The following PALLD variants were observed in gnomAD, a reference collection of about 807,000 sequenced individuals.
PALLD encodes the protein palladin, cytoskeletal associated protein, also known as palladin.
Under a neutral mutation model 123.5 loss-of-function variants are expected in PALLD, and 61 were observed. The ratio of observed to expected loss-of-function variants is 0.49; its 90% CI spans 0.40 to 0.61. The LOEUF (loss-of-function observed/expected upper bound fraction) is 0.61, where lower values mean the gene tolerates loss of function less well. Ranked by LOEUF, PALLD falls within the 20% of genes least tolerant of loss-of-function variation. The probability of loss-of-function intolerance (pLI) is 0.00; values close to 1 mark genes in which losing one functional copy is unlikely to be tolerated. For synonymous variants in PALLD, 465 were observed against 496.4 expected (o/e 0.94, Z 0.84); for missense variants, 1,273 against 1,377.0 (o/e 0.92, Z 1.20).
intron 2 of PALLD, among the ~76,000 whole-genome samples, chr4:168,611,860 G>C (rs1773757940): frequency 6.6e-6 from 1 of 152,168 alleles, no homozygotes; most frequent in Non-Finnish European, 1.5e-5. Flanking sequence ...AGATTCATCA[G>C]TGTAAAGATG....
chr4:168,745,784 C>T lies in PALLD; in HGVS notation c.1964+33861C>T, dbSNP rs150703517. 5.7e-3 allele frequency among the ~76,000 whole-genome samples: 858 copies of T among 151,716 alleles called. 7 individuals are homozygous for T. The highest frequency in any genetic ancestry group is 0.019 in the African/African-American group (798 of 41,094). On this transcript the variant is annotated intron_variant, in intron 10 of 21. Transcript: ENST00000505667. ...AGTGACCATTTTGGTGGAAAAACTA[C>T]CTGCGCTAGTTTGCATGTGATCTAA... is the stretch of plus-strand genomic sequence containing the variant.
intron 2 of PALLD, among the ~76,000 whole-genome samples, chr4:168,557,418 C>T (rs377116594): frequency 8.9e-4 from 135 of 152,264 alleles, no homozygotes; most frequent in African/African-American, 3.1e-3. Context: ...AATCTTAGAC[C>T]ATTTCCAAGC....
chr4:168,530,399 A>C (rs1679378713), intron 2 of PALLD, among the ~76,000 whole-genome samples: 1 of 152,214 alleles, frequency 6.6e-6, no homozygotes, highest in South Asian at 2.1e-4. Flanking sequence ...TGAAGGGTAC[A>C]AAGACTCTAT....
intron 10 of PALLD, among the ~76,000 whole-genome samples, chr4:168,810,527 G>C (rs1490694895): frequency 6.6e-6 from 1 of 152,114 alleles, no homozygotes; most frequent in African/African-American, 2.4e-5. Context: ...ATGGTGGCAG[G>C]CACCTGTAAT....
At chr4:168,638,744 A>T (rs1776594216) in intron 2 of PALLD, among the ~76,000 whole-genome samples, 1 of 147,868 alleles carries the variant, frequency 6.8e-6, no homozygotes, top group Non-Finnish European at 1.5e-5. Context: ...AGGGGCACTA[A>T]CCCTATTCAT....
chr4:168,704,822 G>A (rs963101587), intron 8 of PALLD, among the ~76,000 whole-genome samples: 1 of 151,940 alleles, frequency 6.6e-6, no homozygotes, highest in African/African-American at 2.4e-5. Context: ...TCAATAGGAG[G>A]GGTTGCAAAG....
chr4:168,896,226 T>C (rs1359849974), intron 12 of PALLD, among the ~76,000 whole-genome samples: 1 of 135,604 alleles, frequency 7.4e-6, no homozygotes, highest in African/African-American at 2.6e-5. Flanking sequence ...AAAAAAAAAG[T>C]GCATTTAATA....
chr4:168,733,768 C>T (rs1051629068), intron 10 of PALLD, among the ~76,000 whole-genome samples: 1 of 150,650 alleles, frequency 6.6e-6, no homozygotes, highest in Non-Finnish European at 1.5e-5. Context: ...GAGTCTCGCT[C>T]TTTTGCCCTG....
At position 168,697,443 on chromosome 4, in the gene PALLD, G is replaced by A. The variant is rs17707953; in HGVS notation, c.1501+6151G>A. Among the ~76,000 whole-genome samples, 608 of 152,346 alleles carry A rather than the reference G, an allele frequency of 4.0e-3. 3 individuals carry two copies. The highest frequency in any genetic ancestry group is 0.035 in the East Asian group (183 of 5,186). ...AAGGGCAAGTTCAGATTGAAGCCTC[G>A]TGTCTCGAGGGACAAATGCAATGAG... is the stretch of plus-strand genomic sequence containing the variant. On this transcript the variant is annotated intron_variant, in intron 8 of 21. Coordinates refer to ENST00000505667, the MANE Select transcript of PALLD (RefSeq NM_001166108.2).
intron 10 of PALLD, among the ~76,000 whole-genome samples, chr4:168,745,291 T>C (rs1730111093): frequency 6.6e-6 from 1 of 152,134 alleles, no homozygotes; most frequent in South Asian, 2.1e-4. Flanking sequence ...GACCCAAGCC[T>C]CCTAGCTCAG....
chr4:168,922,100 TATACACACAC>T (rs1242965818), intron 18 of PALLD, among the ~76,000 whole-genome samples: 191 of 96,644 alleles, frequency 2.0e-3, no homozygotes, highest in Admixed American at 1.7e-3. Context: ...TATATATATA[TATACACACAC>T]ACACACACAC....
rs115767401 is a variant in PALLD at position 168,623,843 on chromosome 4, C to A, written c.909-44347C>A. Among the ~76,000 whole-genome samples the A allele has an allele frequency of 3.0e-3, 460 of 152,170 alleles. 2 individuals are homozygous for A. The highest frequency in any genetic ancestry group is 0.01 in the African/African-American group (430 of 41,526). On this transcript the variant is annotated intron_variant, in intron 2 of 21. Transcript: ENST00000505667. ...CACATTCATCAAACAACACAGTAGC[C>A]ACTGTGTAAAGCAGGAATTACAGAA... is the stretch of plus-strand genomic sequence containing the variant.
chr4:168,898,604 G>T lies in PALLD; in HGVS notation c.2362G>T (p.Val788Leu), dbSNP rs587780762. ...GDEVQYGDVPVENGMAPFFEM... is the reference protein window; with the variant it reads ...GDEVQYGDVPLENGMAPFFEM... The stretch of plus-strand genomic sequence containing the variant: ...TGAAGTTCAGTATGGAGATGTGCCT[G>T]TGGAAAATGGAATGGCACCATTCTT... The change falls in exon 14 of 22, where the codon GTG (valine) becomes TTG (leucine). Residue 788 changes from valine (V) to leucine (L), a missense_variant. By Grantham distance (32) the Val-to-Leu change is conservative (BLOSUM62 1). Transcript: ENST00000505667. 1 of 1,613,676 alleles carries T rather than the reference G, an allele frequency of 6.2e-7. No homozygotes were observed. Among genetic ancestry groups the T allele is most frequent in the Non-Finnish European group, 8.5e-7 (1 of 1,179,572 alleles).
At chr4:168,680,958 C>A (rs1781496044) in intron 3 of PALLD, among the ~76,000 whole-genome samples, 2 of 152,188 alleles carry the variant, frequency 1.3e-5, no homozygotes, top group South Asian at 4.1e-4. Context: ...ACCCTGCAAT[C>A]TCTGGAGAAG....
chr4:168,798,269 C>A (rs763642140), intron 10 of PALLD, among the ~76,000 whole-genome samples: 2 of 152,030 alleles, frequency 1.3e-5, no homozygotes, highest in African/African-American at 2.4e-5. Flanking sequence ...TGGTAAATTC[C>A]TCTAAATAAG....
At chr4:168,641,097 A>G (rs1314974907) in intron 2 of PALLD, among the ~76,000 whole-genome samples, 1 of 151,748 alleles carries the variant, frequency 6.6e-6, no homozygotes, top group Non-Finnish European at 1.5e-5. Context: ...AGTCCCAGCT[A>G]CTCGAGAGGC....
intron 2 of PALLD, among the ~76,000 whole-genome samples, chr4:168,550,726 CA>C (rs1766647959): frequency 1.3e-5 from 2 of 152,172 alleles, no homozygotes; most frequent in Admixed American, 1.3e-4. Context: ...AAATTAGTCT[CA>C]CTTATAGGGG....
intron 18 of PALLD, 117 bp from the exon 19 acceptor site, chr4:168,924,138 G>A: frequency 1.2e-6 from 1 of 847,848 alleles, no homozygotes; most frequent in Non-Finnish European, 2.0e-6. Context: ...TTACCACCTG[G>A]AGTAAAAAAT....
intron 3 of PALLD, among the ~76,000 whole-genome samples, chr4:168,668,891 G>A (rs1779913202): frequency 6.6e-6 from 1 of 152,190 alleles, no homozygotes; most frequent in Non-Finnish European, 1.5e-5. Context: ...TTAAAGAGGG[G>A]TACGCAGAGA....
Sources: allele counts gnomAD v4.1 joint callset (sites outside exome capture counted in the v4.1 genomes callset), GRCh38; gene constraint gnomAD v4.1.1; transcripts MANE v1.5; gene names NCBI Gene and HGNC (gene_info 2026-07-23, HGNC 2026-07-21).